Variants in TET3 observed in about 807,000 individuals in gnomAD.
TET3 encodes the protein tet methylcytosine dioxygenase 3.
Under a neutral mutation model 141.4 loss-of-function variants are expected in TET3, and 19 were observed. That is an observed-to-expected ratio of 0.13 (90% CI 0.09 to 0.20). The LOEUF (loss-of-function observed/expected upper bound fraction) is 0.20. Ranked by LOEUF, TET3 falls within the 10% of genes least tolerant of loss-of-function variation. TET3 has a pLI of 1.00. For synonymous variants in TET3, 1,043 were observed against 980.9 expected, an observed-to-expected ratio of 1.06 and a Z score of -1.18; for missense variants, 1,874 against 2,356.9, an observed-to-expected ratio of 0.80 and a Z score of 4.24.
chr2:74,089,453 T>A (rs1690352499), intron 7 of TET3, among the ~76,000 whole-genome samples: 1 of 152,228 alleles, frequency 6.6e-6, no homozygotes, highest in Non-Finnish European at 1.5e-5. Flanking sequence ...TTAATTTTCA[T>A]CTCAGTATAC....
At chr2:74,097,577 C>T (rs534306518) in intron 10 of TET3, among the ~76,000 whole-genome samples, 19 of 152,200 alleles carry the variant, frequency 1.2e-4, no homozygotes, top group South Asian at 4.1e-4. Flanking sequence ...AGGGGAGCAC[C>T]GGGCCAGTCA....
At chr2:74,098,520 T>C (rs1353010410) in intron 10 of TET3, among the ~76,000 whole-genome samples, 2 of 152,236 alleles carry the variant, frequency 1.3e-5, no homozygotes, top group Middle Eastern at 3.4e-3. Context: ...GGTGGTGGGA[T>C]GGGAGATTTT....
intron 3 of TET3, 142 bp downstream of exon 3, chr2:74,003,308 G>A (rs1336084922): frequency 2.8e-6 from 3 of 1,079,700 alleles, no homozygotes; most frequent in Non-Finnish European, 1.3e-6. Flanking sequence ...AGGGGGAGGG[G>A]CGGCGGGGGT....
Position 74,090,008 on chromosome 2 carries a change from A to T in TET3, c.3000A>T (p.Thr1000=). The T allele has an allele frequency of 6.2e-7, 1 of 1,614,022 alleles. No homozygotes were observed. Among genetic ancestry groups the T allele is most frequent in the Non-Finnish European group, 8.5e-7 (1 of 1,179,896 alleles). The part of the protein sequence containing the change: ...FNGCKYARSK[T]PRKFRLAGDN... ...GCTGCAAGTATGCTCGGAGCAAGACACCTCGCAAGTTCCGCCTCGCAGGGG... is the reference window on the plus strand; with the variant it reads ...GCTGCAAGTATGCTCGGAGCAAGACTCCTCGCAAGTTCCGCCTCGCAGGGG... Residue 1000 remains threonine (T), a synonymous_variant, in exon 8 of 12, where the codon ACA becomes ACT. Coordinates refer to ENST00000409262, the MANE Select transcript of TET3 (RefSeq NM_001287491.2).
At chr2:74,042,427 A>G (rs60232103) in intron 3 of TET3, among the ~76,000 whole-genome samples, 6 of 152,232 alleles carry the variant, frequency 3.9e-5, no homozygotes, top group South Asian at 2.1e-4. Flanking sequence ...AGTTACAGAC[A>G]TAGTTGCCCA....
chr2:74,030,712 G>T (rs1030135264), intron 3 of TET3, among the ~76,000 whole-genome samples: 1 of 152,164 alleles, frequency 6.6e-6, no homozygotes, highest in African/African-American at 2.4e-5. Context: ...AGGCTCAGTG[G>T]GTTGAATATG....
chr2:74,029,790 G>A (rs1400409956), intron 3 of TET3, among the ~76,000 whole-genome samples: 1 of 152,048 alleles, frequency 6.6e-6, no homozygotes, highest in African/African-American at 2.4e-5. Context: ...CATCCACCAG[G>A]GTTTTCTCTG....
chr2:74,047,963 A>G lies in TET3; in HGVS notation c.2046A>G (p.Glu682=). ...ACAGCCTGCTGCCCCCTACTCAGGA[A>G]ATGAGGTCCCCCAGCCCCATGACAG... ...SRDSLLPPTQ[E]MRSPSPMTAL... The change falls in exon 4 of 12, where the codon GAA becomes GAG. Residue 682 remains glutamate (E), a synonymous_variant. Transcript: ENST00000409262. 6.2e-7 allele frequency: 1 copy of G among 1,612,810 alleles called. No homozygotes were observed. Among genetic ancestry groups the G allele is most frequent in the Non-Finnish European group, 8.5e-7 (1 of 1,179,380 alleles).
At chr2:74,053,783 C>T (rs893011491) in intron 4 of TET3, among the ~76,000 whole-genome samples, 2 of 152,064 alleles carry the variant, frequency 1.3e-5, no homozygotes, top group African/African-American at 2.4e-5. Context: ...TGTTTACAGT[C>T]GTGTAAAGTC....
chr2:74,072,411 C>T (rs1388945383), intron 4 of TET3, among the ~76,000 whole-genome samples: 1 of 151,732 alleles, frequency 6.6e-6, no homozygotes, highest in Non-Finnish European at 1.5e-5. Flanking sequence ...ACTTGGGAGG[C>T]TGAGGCATGA....
chr2:74,123,490 AACCG>A, the TET3 span, among the ~76,000 whole-genome samples: 1 of 152,178 alleles, frequency 6.6e-6, no homozygotes, highest in South Asian at 2.1e-4. Context: ...CTGTGGGCGG[AACCG>A]ACCAAGAAAC....
At chr2:74,130,898 T>C in the TET3 span, 6 of 152,022 alleles carry the variant, frequency 3.9e-5, no homozygotes, top group East Asian at 1.2e-3. Flanking sequence ...GAATTAGGGG[T>C]TGGGGGGCAG....
chr2:74,124,720 AAGGCAGCATGCTCGTTAAG>A, the TET3 span, among the ~76,000 whole-genome samples: 1 of 152,130 alleles, frequency 6.6e-6, no homozygotes, highest in South Asian at 2.1e-4. Context: ...TAGATGCTTG[AAGGCAGCATGCTCGTTAAG>A]AGTCATCACC....
At chr2:74,054,334 A>G (rs1688104747) in intron 4 of TET3, among the ~76,000 whole-genome samples, 1 of 152,162 alleles carries the variant, frequency 6.6e-6, no homozygotes, top group African/African-American at 2.4e-5. Flanking sequence ...GAAAAGAATT[A>G]ACTGCTCCAG....
chr2:74,080,815 C>T (rs1009043337), intron 6 of TET3, among the ~76,000 whole-genome samples: 5 of 152,138 alleles, frequency 3.3e-5, no homozygotes, highest in Non-Finnish European at 5.9e-5. Context: ...GCTGTTTGTC[C>T]TCATCTTGTT....
At chr2:73,990,850 G>C (rs1306584400) in intron 2 of TET3, among the ~76,000 whole-genome samples, 1 of 152,212 alleles carries the variant, frequency 6.6e-6, no homozygotes, top group Non-Finnish European at 1.5e-5. Flanking sequence ...GGAGAGGAAT[G>C]TGTTCAGGCT....
intron 10 of TET3, among the ~76,000 whole-genome samples, chr2:74,096,990 G>A (rs1340590393): frequency 6.6e-6 from 1 of 151,926 alleles, no homozygotes; most frequent in Non-Finnish European, 1.5e-5. Flanking sequence ...CTACTCAGGA[G>A]GCTGAGATGG....
intron 4 of TET3, among the ~76,000 whole-genome samples, chr2:74,055,960 T>G (rs1217699139): frequency 6.6e-6 from 1 of 152,164 alleles, no homozygotes; most frequent in Non-Finnish European, 1.5e-5. Context: ...CTTCTCAGAC[T>G]CCAGATAGAT....
chr2:74,125,695 ATT>A, the TET3 span, among the ~76,000 whole-genome samples: 58 of 141,808 alleles, frequency 4.1e-4, no homozygotes, highest in African/African-American at 1.5e-3. Context: ...GTATGCTAAA[ATT>A]TTTTTTTTTT....
Sources: gnomAD v4.1 joint callset for allele counts (sites outside exome capture counted in the v4.1 genomes callset) on GRCh38, gnomAD v4.1.1 for gene constraint, MANE v1.5 for transcripts, NCBI Gene and HGNC (gene_info 2026-07-23, HGNC 2026-07-21) for gene names.